METRNL: variants seen among roughly 807,000 people sequenced by gnomAD.
METRNL encodes the protein meteorin like, glial cell differentiation regulator, also known as meteorin-like protein.
A neutral mutation model predicts 17.4 loss-of-function variants in METRNL; 9 were observed. That is an observed-to-expected ratio of 0.52 (90% CI 0.31 to 0.90). The LOEUF is 0.90. Among genes scored for constraint, METRNL ranks in the 40% least tolerant of loss-of-function variants. The probability of loss-of-function intolerance (pLI) is 0.05; values close to 1 mark genes in which losing one functional copy is unlikely to be tolerated. For synonymous variants in METRNL, 215 were observed against 199.3 expected, an observed-to-expected ratio of 1.08 and a Z score of -0.66; for missense variants, 408 against 430.7, an observed-to-expected ratio of 0.95 and a Z score of 0.47.
At chr17:83,081,012 G>C (rs2037979893) in intron 1 of METRNL, among the ~76,000 whole-genome samples, 1 of 151,696 alleles carries the variant, frequency 6.6e-6, no homozygotes, top group African/African-American at 2.4e-5. Context: ...CTCCGTTCCG[G>C]GTCCCCGCGA....
At chr17:83,080,601 C>CT (rs563834169) in intron 1 of METRNL, among the ~76,000 whole-genome samples, 1,506 of 52,154 alleles carry the variant, frequency 0.029, 46 homozygotes, top group African/African-American at 0.051. Flanking sequence ...CGGCCGAGGA[C>CT]TTTTTTTTTT....
intron 2 of METRNL, among the ~76,000 whole-genome samples, chr17:83,089,101 G>C (rs562731134): frequency 6.6e-6 from 1 of 152,126 alleles, no homozygotes; most frequent in African/African-American, 2.4e-5. Flanking sequence ...CACCCCCGGG[G>C]CACCCCAGCA....
intron 2 of METRNL, among the ~76,000 whole-genome samples, chr17:83,089,051 G>A (rs532490502): frequency 9.6e-4 from 144 of 149,748 alleles, no homozygotes; most frequent in African/African-American, 3.2e-3. Context: ...GAGGGAGGGA[G>A]AAAGGGAGGC....
intron 3 of METRNL, 61 bp from the exon 4 acceptor site, chr17:83,094,195 G>A (rs2038173684): frequency 1.1e-5 from 15 of 1,385,288 alleles, no homozygotes; most frequent in East Asian, 2.5e-5. Flanking sequence ...GGGGAGGTGC[G>A]GTGGTCTTGC....
At chr17:83,089,541 C>T (rs906626541) in intron 2 of METRNL, among the ~76,000 whole-genome samples, 1 of 151,814 alleles carries the variant, frequency 6.6e-6, no homozygotes, top group African/African-American at 2.4e-5. Context: ...GCCGGTCCCT[C>T]CCACCCTGTT....
chr17:83,093,925 G>C (rs1421859774), intron 3 of METRNL, among the ~76,000 whole-genome samples: 1 of 152,198 alleles, frequency 6.6e-6, no homozygotes, highest in African/African-American at 2.4e-5. Flanking sequence ...TCTCCTGTGA[G>C]CTGCACCGGG....
intron 1 of METRNL, 69 bp downstream of exon 1, chr17:83,080,054 G>T: frequency 1.0e-6 from 1 of 955,206 alleles, no homozygotes; most frequent in South Asian, 4.7e-5. Flanking sequence ...CGGGCCGGCC[G>T]AGCGTGCGGG....
At chr17:83,080,016 C>G in intron 1 of METRNL, 31 bp downstream of exon 1, 1 of 1,008,614 alleles carries the variant, frequency 9.9e-7, no homozygotes, top group Non-Finnish European at 1.2e-6. Flanking sequence ...CCCGGCCCGG[C>G]CCCCTCCCCT....
chr17:83,092,700 T>C lies in METRNL; in HGVS notation c.557-467T>C, dbSNP rs1048328638. ...TGTGGAGGTGGGTTGGGGGTGACTC[T>C]TGTCTGGTGGGTTCGGTTCAGCCCC... On this transcript the variant is annotated intron_variant, in intron 2 of 3. Coordinates refer to ENST00000320095, the MANE Select transcript of METRNL (RefSeq NM_001004431.3). 7.2e-5 allele frequency among the ~76,000 whole-genome samples: 11 copies of C among 152,084 alleles called. No individual in the cohort carries two copies. In the East Asian group the frequency reaches 1.9e-3, roughly 27 times the overall value.
At position 83,091,826 on chromosome 17, in the gene METRNL, T is replaced by C. The variant is rs534467979; in HGVS notation, c.557-1341T>C. Among the ~76,000 whole-genome samples the C allele has an allele frequency of 1.3e-4, 20 of 152,298 alleles. No individual in the cohort carries two copies. In the South Asian group the frequency reaches 2.7e-3, roughly 21 times the overall value. Reference sequence around the variant, plus strand: ...GCCATTGAGATTTCACGTCTCAAAGTTTCTATTGCGTTAGGAGACTTGGGG... The same window carrying C: ...GCCATTGAGATTTCACGTCTCAAAGCTTCTATTGCGTTAGGAGACTTGGGG... On this transcript the variant is annotated intron_variant, in intron 2 of 3. Transcript: ENST00000320095.
At position 83,094,609 on chromosome 17, in the gene METRNL, G is replaced by C; in HGVS notation, c.*34G>C. On this transcript the variant is annotated 3_prime_UTR_variant, in exon 4 of 4. Coordinates refer to ENST00000320095, the MANE Select transcript of METRNL (RefSeq NM_001004431.3). Reference sequence around the variant, plus strand: ...GCCGCTGCCCTTCCTCTCCTGATGAGTCACAGGCTGCGGTGGGCGCTGCGG... The same window carrying C: ...GCCGCTGCCCTTCCTCTCCTGATGACTCACAGGCTGCGGTGGGCGCTGCGG... 7.1e-7 allele frequency: 1 copy of C among 1,413,578 alleles called. No individual in the cohort carries two copies. The highest frequency in any genetic ancestry group is 1.6e-5 in the South Asian group (1 of 62,768). The allele number at this position is 1,413,578 out of a possible 1,614,324, so 87.6% of individuals were successfully genotyped here.
rs369253783 is a variant in METRNL at position 83,089,979 on chromosome 17, C to T, written c.557-3188C>T. 2.3e-4 allele frequency among the ~76,000 whole-genome samples: 35 copies of T among 152,108 alleles called. No homozygotes were observed. The East Asian group carries it at 5.0e-3, about 22-fold the overall frequency. ...GGGTACCCAGGGCACGTGAGGGCAG[C>T]GTCTCCATCCTCCCCCTCGGCCGTC... On this transcript the variant is annotated intron_variant, in intron 2 of 3. Transcript: ENST00000320095.
At chr17:83,082,028 C>CCA in intron 1 of METRNL, 1 of 962,970 alleles carries the variant, frequency 1.0e-6, no homozygotes, top group Non-Finnish European at 1.2e-6. Flanking sequence ...ATGACACTGG[C>CCA]CACTGCATCG....
chr17:83,088,256 G>C (rs2038075856), intron 2 of METRNL, among the ~76,000 whole-genome samples: 1 of 152,278 alleles, frequency 6.6e-6, no homozygotes, highest in African/African-American at 2.4e-5. Context: ...AGAGTGGTCA[G>C]GTGCAGCTTC....
At position 83,094,273 on chromosome 17, in the gene METRNL, CA is replaced by C; in HGVS notation, c.635del (p.Gln212ArgfsTer18). 1 of 1,579,136 alleles carries C rather than the reference CA, an allele frequency of 6.3e-7. No individual in the cohort carries two copies. The highest frequency in any genetic ancestry group is 8.7e-7 in the Non-Finnish European group (1 of 1,154,796). On this transcript the variant is annotated frameshift_variant, in exon 4 of 4. Coordinates refer to ENST00000320095, the MANE Select transcript of METRNL (RefSeq NM_001004431.3). LOFTEE classifies it low-confidence loss of function (END_TRUNC). ...TSDFAVRGSI[Q>X]QVTHEPERQD... ...CCGCACAGCCGTTCGAGGCTCCATC[CA>C]GCAAGTTACCCACGAGCCTGAGCGG...
At chr17:83,080,572 C>CCA in intron 1 of METRNL, among the ~76,000 whole-genome samples, 1 of 132,010 alleles carries the variant, frequency 7.6e-6, no homozygotes, top group East Asian at 2.6e-4. Flanking sequence ...GCGACCCCCC[C>CCA]CCCCCCCACC....
rs564853396 is a variant in METRNL, at chr17:83,080,141, C to T, written c.170+156C>T. The T allele has an allele frequency of 3.4e-4, 80 of 235,626 alleles. 1 individual carries two copies. Among genetic ancestry groups the T allele is most frequent in the Non-Finnish European group, 5.1e-4 (73 of 143,358 alleles). The allele number at this position is 235,626 out of a possible 1,614,324, so 14.6% of individuals were successfully genotyped here. A position where few individuals can be genotyped will look rare whatever the true frequency, so the allele number is the denominator to read the frequency against. On this transcript the variant is annotated intron_variant, in intron 1 of 3. Coordinates refer to ENST00000320095, the MANE Select transcript of METRNL (RefSeq NM_001004431.3). ...GCCCAGTCCGGTGCCCGCTGTCCCC[C>T]GCCCCCGGTTCTAGAACAAAAGAGC...
chr17:83,080,009 G>T (rs939021652), intron 1 of METRNL, 24 bp downstream of exon 1: 8 of 1,011,226 alleles, frequency 7.9e-6, no homozygotes, highest in African/African-American at 1.7e-5. Context: ...GCGCGACCCC[G>T]GCCCGGCCCC....
At chr17:83,090,267 CA>C (rs2143643534) in intron 2 of METRNL, among the ~76,000 whole-genome samples, 1 of 36,138 alleles carries the variant, frequency 2.8e-5, no homozygotes, top group African/African-American at 1.8e-4. Flanking sequence ...GGGAGCCACA[CA>C]CACCCCCGCC....
Sources: allele counts gnomAD v4.1 joint callset (sites outside exome capture counted in the v4.1 genomes callset), GRCh38; gene constraint gnomAD v4.1.1; transcripts MANE v1.5; gene names NCBI Gene and HGNC (gene_info 2026-07-23, HGNC 2026-07-21).